The following ATXN1 variants were observed in gnomAD, a reference collection of about 807,000 sequenced individuals.
ATXN1 encodes ataxin 1.
ATXN1 carries 8 observed loss-of-function variants against 56.4 expected under a neutral mutation model. That is an observed-to-expected ratio of 0.14 (90% CI 0.08 to 0.26). ATXN1 has a LOEUF of 0.26. ATXN1 is among the 10% of genes least tolerant of loss of function. The pLI, the probability that ATXN1 is intolerant of heterozygous loss-of-function variation, is 1.00. For synonymous variants in ATXN1, 514 were observed against 494.6 expected, an observed-to-expected ratio of 1.04 and a Z score of -0.52; for missense variants, 987 against 1,106.5, an observed-to-expected ratio of 0.89 and a Z score of 1.53.
chr6:16,714,850 T>A (rs1358538916), intron 2 of ATXN1, among the ~76,000 whole-genome samples: 1 of 152,190 alleles, frequency 6.6e-6, no homozygotes, highest in Admixed American at 6.5e-5. Flanking sequence ...TTCCAGGAGT[T>A]ACGGGGCGTG....
At chr6:16,588,350 C>G (rs986650153) in intron 3 of ATXN1, among the ~76,000 whole-genome samples, 1 of 152,254 alleles carries the variant, frequency 6.6e-6, no homozygotes, top group Non-Finnish European at 1.5e-5. Flanking sequence ...ACTTGCACTA[C>G]AGCATGGCTG....
At chr6:16,339,515 C>G (rs1581699457) in intron 6 of ATXN1, among the ~76,000 whole-genome samples, 5 of 152,206 alleles carry the variant, frequency 3.3e-5, no homozygotes, top group African/African-American at 9.7e-5. Context: ...GACCCCAAGA[C>G]CTCCCGGGAC....
intron 2 of ATXN1, among the ~76,000 whole-genome samples, chr6:16,732,509 T>G (rs1694171171): frequency 6.6e-6 from 1 of 152,026 alleles, no homozygotes; most frequent in South Asian, 2.1e-4. Context: ...AGGCAGAGGT[T>G]GCAATAAGCC....
chr6:16,450,882 C>A (rs924932262), intron 6 of ATXN1, among the ~76,000 whole-genome samples: 1 of 152,162 alleles, frequency 6.6e-6, no homozygotes, highest in Non-Finnish European at 1.5e-5. Flanking sequence ...CCTCTTTCAG[C>A]CTCACTTTAG....
At chr6:16,616,587 T>A (rs895614605) in intron 3 of ATXN1, among the ~76,000 whole-genome samples, 3 of 145,060 alleles carry the variant, frequency 2.1e-5, no homozygotes, top group African/African-American at 7.5e-5. Flanking sequence ...ATATATTTTA[T>A]AATATATTAT....
At chr6:16,754,509 C>CA (rs1760828520) in intron 1 of ATXN1, 1 of 152,110 alleles carries the variant, frequency 6.6e-6, no homozygotes, top group Non-Finnish European at 1.5e-5. Context: ...CAACACATCT[C>CA]GGTACTCATG....
chr6:16,723,585 C>G (rs1759789112), intron 2 of ATXN1, among the ~76,000 whole-genome samples: 1 of 152,100 alleles, frequency 6.6e-6, no homozygotes, highest in African/African-American at 2.4e-5. Context: ...TTTCCTTAAG[C>G]TTTTCTGGAC....
intron 3 of ATXN1, chr6:16,616,074 T>C (rs1163358710): frequency 5.3e-5 from 8 of 151,912 alleles, no homozygotes; most frequent in Non-Finnish European, 1.2e-4. Flanking sequence ...AAGTCAAGTG[T>C]ATTTGTATCT....
Position 16,326,404 on chromosome 6 carries a change from T to G in ATXN1, c.1907A>C (p.His636Pro). ...CCTGGCTAACGTTACCTGGGCTCGG[T>G]GCTCCCCGACGGCGAACTGTATCAC... ...VAVIQFAVGE[H>P]RAQVSVEVLV... The change falls in exon 7 of 8, where the codon CAC (histidine) becomes CCC (proline). Residue 636 changes from histidine (H) to proline (P), a missense_variant. Around this residue, in one of 3 missense-constraint regions of ATXN1, gnomAD observed 68 missense variants for 118.1 expected, o/e 0.58. Coordinates refer to ENST00000436367, the MANE Select transcript of ATXN1 (RefSeq NM_001128164.2). The surrounding 1 kb of genome is among the most constrained non-coding windows in gnomAD (Gnocchi z 6.6). 6.2e-7 allele frequency: 1 copy of G among 1,613,394 alleles called. No individual in the cohort carries two copies. The highest frequency in any genetic ancestry group is 1.3e-5 in the African/African-American group (1 of 75,030).
chr6:16,715,893 T>C (rs1161253413), intron 2 of ATXN1, among the ~76,000 whole-genome samples: 3 of 152,172 alleles, frequency 2.0e-5, no homozygotes, highest in African/African-American at 7.2e-5. Flanking sequence ...CTACCTCTAG[T>C]TGTGTTAGAC....
chr6:16,686,608 T>C (rs1758924980), intron 2 of ATXN1, among the ~76,000 whole-genome samples: 1 of 152,196 alleles, frequency 6.6e-6, no homozygotes, highest in Admixed American at 6.5e-5. Context: ...TATTTCTCTC[T>C]AGGCTAGAAA....
At chr6:16,702,942 A>T (rs2113440301) in intron 2 of ATXN1, among the ~76,000 whole-genome samples, 1 of 152,228 alleles carries the variant, frequency 6.6e-6, no homozygotes, top group Non-Finnish European at 1.5e-5. Context: ...AGGGATCTAG[A>T]ACTAGAAATA....
rs547483789 is a variant in ATXN1, at chr6:16,606,980, G to A, written c.-488-21073C>T. Among the ~76,000 whole-genome samples the A allele has an allele frequency of 4.0e-5, 6 of 150,300 alleles. No homozygotes were observed. The South Asian group carries it at 8.5e-4, about 21-fold the overall frequency. ...TGGCTCACTGCAACCTCTGCCTCCC[G>A]GGTTCAAGCGATTCTCCTGCCTCAG... On this transcript the variant is annotated intron_variant, in intron 3 of 7. Coordinates refer to ENST00000436367, the MANE Select transcript of ATXN1 (RefSeq NM_001128164.2).
intron 2 of ATXN1, chr6:16,737,454 G>GT (rs1408754870): frequency 6.6e-6 from 1 of 152,222 alleles, no homozygotes; most frequent in Non-Finnish European, 1.5e-5. Context: ...GGGAACTTTA[G>GT]TAAGTGATGC....
intron 3 of ATXN1, among the ~76,000 whole-genome samples, chr6:16,632,913 C>A (rs1035065641): frequency 6.6e-6 from 1 of 151,360 alleles, no homozygotes; most frequent in Admixed American, 6.6e-5. Context: ...AGGAGAATCG[C>A]TTGAACCTGG....
chr6:16,596,895 CA>C (rs1470705757), intron 3 of ATXN1, among the ~76,000 whole-genome samples: 1 of 152,220 alleles, frequency 6.6e-6, no homozygotes, highest in Non-Finnish European at 1.5e-5. Flanking sequence ...GCTGTTCAAA[CA>C]AGCTGAAGCA....
At chr6:16,434,275 G>A (rs535283573) in intron 6 of ATXN1, among the ~76,000 whole-genome samples, 8 of 152,278 alleles carry the variant, frequency 5.3e-5, no homozygotes, top group Non-Finnish European at 1.0e-4. Flanking sequence ...GAGATGGCAT[G>A]CAAATCAATC....
intron 4 of ATXN1, among the ~76,000 whole-genome samples, chr6:16,554,139 T>C (rs1761969870): frequency 6.6e-6 from 1 of 152,224 alleles, no homozygotes; most frequent in African/African-American, 2.4e-5. Flanking sequence ...TCGTTTAAGA[T>C]GATGTAATCG....
At chr6:16,549,513 G>A (rs1056610395) in intron 4 of ATXN1, among the ~76,000 whole-genome samples, 4 of 152,172 alleles carry the variant, frequency 2.6e-5, no homozygotes, top group East Asian at 1.9e-4. Flanking sequence ...TGAGGGAAGC[G>A]GAACCAGCTC....
Sources: allele counts gnomAD v4.1 joint callset (sites outside exome capture counted in the v4.1 genomes callset), GRCh38; gene constraint gnomAD v4.1.1; regional missense constraint gnomAD v4.1.1; non-coding constraint Gnocchi (gnomAD v3.1); transcripts MANE v1.5; gene names NCBI Gene and HGNC (gene_info 2026-07-23, HGNC 2026-07-21).